DHRS4L2: variants seen among roughly 807,000 people sequenced by gnomAD.
The protein encoded by DHRS4L2 is dehydrogenase/reductase SDR family member 4-like 2.
A neutral mutation model predicts 23.9 loss-of-function variants in DHRS4L2; 22 were observed. That is an observed-to-expected ratio of 0.92 (90% CI 0.66 to 1.31). The LOEUF (loss-of-function observed/expected upper bound fraction) is 1.31, where lower values mean the gene tolerates loss of function less well. Ranked by LOEUF, DHRS4L2 falls within the 40% of genes most tolerant of loss-of-function variation. The probability of loss-of-function intolerance (pLI) is 0.00; values close to 1 mark genes in which losing one functional copy is unlikely to be tolerated. For synonymous variants in DHRS4L2, 141 were observed against 123.7 expected, an observed-to-expected ratio of 1.14 and a Z score of -0.93; for missense variants, 385 against 303.3, an observed-to-expected ratio of 1.27 and a Z score of -2.00.
At chr14:23,988,423 C>T (rs1594462719), upstream of DHRS4L2, among the ~76,000 whole-genome samples, 1 of 149,272 alleles carries the variant, frequency 6.7e-6, no homozygotes, top group Non-Finnish European at 1.5e-5. Context: ...CTGCCTATCA[C>T]GTCTCTCTCC....
At chr14:23,971,020 G>A (rs1049380191) in intron 1 of DHRS4L2, among the ~76,000 whole-genome samples, 5 of 152,108 alleles carry the variant, frequency 3.3e-5, no homozygotes, top group Admixed American at 2.6e-4. Flanking sequence ...ACCAAAGGTA[G>A]ATAAAACCAC....
At chr14:23,996,750 T>C (rs550514074) in intron 3 of DHRS4L2, among the ~76,000 whole-genome samples, 3 of 150,966 alleles carry the variant, frequency 2.0e-5, no homozygotes, top group East Asian at 3.9e-4. Flanking sequence ...AAGCGATTCT[T>C]GTGCCTCAGC....
chr14:23,995,068 T>C lies in DHRS4L2; in HGVS notation c.343T>C (p.Ser115Pro). 2 of 1,613,022 alleles carry C rather than the reference T, an allele frequency of 1.2e-6. No homozygotes were observed. Among genetic ancestry groups the C allele is most frequent in the South Asian group, 1.1e-5 (1 of 90,950 alleles). Residue 115 changes from serine (S) to proline (P), a missense_variant, in exon 3 of 8, where the codon TCC (serine) becomes CCC (proline). By Grantham distance (74) the Ser-to-Pro change is moderately conservative. Transcript: ENST00000335125. ...TCATGGAGGTATCGATATCCTAGTCTCCAATGCTGCTGTCAACCCTTTCTT... is the reference window on the plus strand; with the variant it reads ...TCATGGAGGTATCGATATCCTAGTCCCCAATGCTGCTGTCAACCCTTTCTT... ...KLHGGIDILV[S>P]NAAVNPFFGS...
chr14:23,981,985 G>A (rs1566489161), intron 1 of DHRS4L2, among the ~76,000 whole-genome samples: 1 of 151,672 alleles, frequency 6.6e-6, no homozygotes, highest in Non-Finnish European at 1.5e-5. Flanking sequence ...TCAGTTCCCA[G>A]GGGCAGGCAG....
chr14:23,995,899 T>C (rs1212149539), intron 3 of DHRS4L2, among the ~76,000 whole-genome samples: 1 of 151,800 alleles, frequency 6.6e-6, no homozygotes, highest in Non-Finnish European at 1.5e-5. Flanking sequence ...CTGTTTTGCA[T>C]TGCTATAAAG....
At position 24,004,229 on chromosome 14, in the gene DHRS4L2, A is replaced by G. The variant is rs1301354519; in HGVS notation, c.666-108A>G. On this transcript the variant is annotated intron_variant, in intron 6 of 7. Coordinates refer to ENST00000335125, the MANE Select transcript of DHRS4L2 (RefSeq NM_198083.4). ...GTTTGCAGTGAGCCAAGATAGCGCCACTACAGTCCGGCCTGGGCAAAAGAG... is the reference window on the plus strand; with the variant it reads ...GTTTGCAGTGAGCCAAGATAGCGCCGCTACAGTCCGGCCTGGGCAAAAGAG... 11 of 1,377,450 alleles carry G rather than the reference A, an allele frequency of 8.0e-6. 1 individual carries two copies. The South Asian group carries it at 1.5e-4, about 19-fold the overall frequency. The allele number at this position is 1,377,450 out of a possible 1,614,324, so 85.3% of individuals were successfully genotyped here.
chr14:23,986,757 T>G (rs1205200346), upstream of DHRS4L2, among the ~76,000 whole-genome samples: 1 of 150,232 alleles, frequency 6.7e-6, no homozygotes, highest in East Asian at 1.9e-4. Context: ...GGCTTGTCCC[T>G]TTGAACCAAG....
chr14:23,990,708 C>G, intron 2 of DHRS4L2: 7 of 1,017,764 alleles, frequency 6.9e-6, no homozygotes, highest in Non-Finnish European at 7.2e-6. Context: ...GAGTCAAGTC[C>G]CTGGGAACCT....
intron 2 of DHRS4L2, among the ~76,000 whole-genome samples, chr14:23,992,852 T>C (rs2034297887): frequency 6.8e-6 from 1 of 146,218 alleles, no homozygotes; most frequent in Non-Finnish European, 1.5e-5. Flanking sequence ...CACCAGTTCA[T>C]TTTTTAAATT....
chr14:23,972,672 C>A (rs2033884985), intron 1 of DHRS4L2, among the ~76,000 whole-genome samples: 1 of 151,984 alleles, frequency 6.6e-6, no homozygotes, highest in Non-Finnish European at 1.5e-5. Context: ...TATAGAGAAA[C>A]AACAGTGAGT....
chr14:24,002,189 A>G, intron 6 of DHRS4L2, among the ~76,000 whole-genome samples: 1 of 71,882 alleles, frequency 1.4e-5, no homozygotes. Flanking sequence ...TGTCCATGTG[A>G]TCTCATTGTT....
chr14:23,974,841 TC>T (rs1248731455), intron 1 of DHRS4L2, among the ~76,000 whole-genome samples: 10 of 151,864 alleles, frequency 6.6e-5, no homozygotes, highest in African/African-American at 2.4e-4. Context: ...CTGGTACTAT[TC>T]CTTCTGAAAC....
At chr14:23,973,163 TG>T (rs1161892114) in intron 1 of DHRS4L2, among the ~76,000 whole-genome samples, 1 of 152,002 alleles carries the variant, frequency 6.6e-6, no homozygotes, top group African/African-American at 2.4e-5. Flanking sequence ...GGTGTCAGGC[TG>T]GGGGACAGTC....
chr14:23,972,336 C>T (rs2033875377), intron 1 of DHRS4L2, among the ~76,000 whole-genome samples: 1 of 151,938 alleles, frequency 6.6e-6, no homozygotes, highest in Non-Finnish European at 1.5e-5. Flanking sequence ...TGTTACAGCT[C>T]TTAAGGCAGC....
In DHRS4L2 at chr14:24,006,095, A is replaced by C. The variant is rs1183227441; in HGVS notation, c.*232A>C. On this transcript the variant is annotated 3_prime_UTR_variant, in exon 8 of 8. Transcript: ENST00000335125. ...GGCCTTTCCCACCTCTGCTCACCTT[A>C]CTGTTCACCTCATCAAATCAGTTCT... 2 of 1,470,282 alleles carry C rather than the reference A, an allele frequency of 1.4e-6. No individual in the cohort carries two copies. The highest frequency in any genetic ancestry group is 5.0e-5 in the East Asian group (2 of 40,174). The allele number at this position is 1,470,282 out of a possible 1,614,324, so 91.1% of individuals were successfully genotyped here.
Position 24,005,958 on chromosome 14 carries a change from G to A in DHRS4L2, c.*95G>A, listed in dbSNP as rs1566503747. The A allele has an allele frequency of 1.2e-6, 2 of 1,611,654 alleles. No homozygotes were observed. On this transcript the variant is annotated 3_prime_UTR_variant, in exon 8 of 8. Coordinates refer to ENST00000335125, the MANE Select transcript of DHRS4L2 (RefSeq NM_198083.4). ...CTGAAGATGCCAGCTACATCACTGGGGAAACAGTGGTGGTGGGTGGAGGAA... is the reference window on the plus strand; with the variant it reads ...CTGAAGATGCCAGCTACATCACTGGAGAAACAGTGGTGGTGGGTGGAGGAA...
At chr14:23,970,432 G>A (rs1377988297) in intron 1 of DHRS4L2, 5 of 358,602 alleles carry the variant, frequency 1.4e-5, no homozygotes, top group Admixed American at 1.1e-4. Context: ...TTCAGTAGGC[G>A]TTCTATGATC....
At position 23,990,200 on chromosome 14, in the gene DHRS4L2, C is replaced by T. The variant is rs762582832; in HGVS notation, c.147C>T (p.Ala49=). Residue 49 remains alanine, a synonymous_variant, in exon 2 of 8, where the codon GCC becomes GCT. Transcript: ENST00000335125. ...ASTDGIGFAI[A]RRLAQDRAHV... Reference sequence around the variant, plus strand: ...CTCACAGGATCGGCTTCGCCATCGCCCGGCGTTTGGCCCAGGACAGGGCCC... The same window carrying T: ...CTCACAGGATCGGCTTCGCCATCGCTCGGCGTTTGGCCCAGGACAGGGCCC... 10 of 1,612,806 alleles carry T rather than the reference C, an allele frequency of 6.2e-6. No homozygotes were observed. The highest frequency in any genetic ancestry group is 1.7e-6 in the Non-Finnish European group (2 of 1,179,346).
At chr14:23,992,254 G>A (rs1383512647) in intron 2 of DHRS4L2, among the ~76,000 whole-genome samples, 2 of 151,490 alleles carry the variant, frequency 1.3e-5, no homozygotes, top group Non-Finnish European at 2.9e-5. Context: ...TCCAGGTTTA[G>A]AGCAGTGGCG....
Sources: gnomAD v4.1 joint callset for allele counts (sites outside exome capture counted in the v4.1 genomes callset) on GRCh38, gnomAD v4.1.1 for gene constraint, MANE v1.5 for transcripts, NCBI Gene and HGNC (gene_info 2026-07-23, HGNC 2026-07-21) for gene names.